KCNK9: variants seen among roughly 807,000 people sequenced by gnomAD.
KCNK9 encodes potassium channel subfamily K member 9.
In KCNK9, 1 loss-of-function variant was observed where a neutral mutation model predicts 10.8. That is an observed-to-expected ratio of 0.09 (90% CI 0.03 to 0.44). The LOEUF (loss-of-function observed/expected upper bound fraction) is 0.44. Ranked by LOEUF, KCNK9 falls within the 20% of genes least tolerant of loss-of-function variation. The pLI is 0.97. For synonymous variants in KCNK9, 231 were observed against 222.7 expected, an observed-to-expected ratio of 1.04 and a Z score of -0.33; for missense variants, 303 against 515.0, an observed-to-expected ratio of 0.59 and a Z score of 3.98.
intron 1 of KCNK9, among the ~76,000 whole-genome samples, chr8:139,650,269 G>C (rs1336565008): frequency 3.3e-5 from 5 of 152,206 alleles, no homozygotes; most frequent in Non-Finnish European, 4.4e-5. Flanking sequence ...TAACCAGGCA[G>C]AGCCTTAGCT....
Position 139,702,900 on chromosome 8 carries a change from C to T in KCNK9, c.93G>A (p.Ser31=). Residue 31 remains serine (S), a synonymous_variant, in exon 1 of 2, where the codon TCG becomes TCA. Transcript: ENST00000520439. The surrounding 1 kb of genome is among the most constrained non-coding windows in gnomAD (Gnocchi z 7.5). ...VGAAVFDALE[S]DHEMREEEKL... ...TCTCCTCCTCGCGCATCTCGTGGTC[C>T]GACTCGAGGGCGTCGAACACGGCGG... The T allele has an allele frequency of 1.2e-6, 2 of 1,613,812 alleles. No homozygotes were observed. The highest frequency in any genetic ancestry group is 1.7e-6 in the Non-Finnish European group (2 of 1,179,942).
intron 1 of KCNK9, among the ~76,000 whole-genome samples, chr8:139,684,285 C>T (rs1302684332): frequency 6.6e-6 from 1 of 152,206 alleles, no homozygotes. Flanking sequence ...CAATTTAGCA[C>T]CATACATTTC....
At chr8:139,648,404 A>G (rs1484750414) in intron 1 of KCNK9, among the ~76,000 whole-genome samples, 1 of 152,244 alleles carries the variant, frequency 6.6e-6, no homozygotes, top group Admixed American at 6.5e-5. Context: ...ACTTTAAAAT[A>G]GTTAATTTTG....
exon 3 of KCNK9, chr8:139,601,465 C>T (rs1432606979): frequency 2.0e-5 from 3 of 152,178 alleles, no homozygotes; most frequent in Non-Finnish European, 4.4e-5. Flanking sequence ...GGATTTTTAT[C>T]CGAAGCTGGT....
chr8:139,653,806 C>T (rs969703012), intron 1 of KCNK9, among the ~76,000 whole-genome samples: 6 of 152,226 alleles, frequency 3.9e-5, no homozygotes, highest in African/African-American at 1.4e-4. Flanking sequence ...CAGAGGCCCA[C>T]GCGGAGCTCA....
exon 3 of KCNK9, chr8:139,601,274 C>G (rs1201010084): frequency 6.6e-6 from 1 of 152,206 alleles, no homozygotes; most frequent in Non-Finnish European, 1.5e-5. Flanking sequence ...TGTGGCCCGG[C>G]CTTTAAGAGG....
downstream of KCNK9, among the ~76,000 whole-genome samples, chr8:139,610,391 C>T (rs1165549776): frequency 6.6e-6 from 1 of 152,232 alleles, no homozygotes; most frequent in African/African-American, 2.4e-5. Flanking sequence ...AATCAGGAAA[C>T]AAGTTCCTCA....
intron 1 of KCNK9, among the ~76,000 whole-genome samples, chr8:139,680,274 G>A (rs62520201): frequency 0.42 from 63,486 of 152,064 alleles, 14,866 homozygotes; most frequent in Non-Finnish European, 0.53. Flanking sequence ...GGGGGCAGGC[G>A]GGGCCCAGCT....
intron 1 of KCNK9, among the ~76,000 whole-genome samples, chr8:139,626,037 T>C (rs1169979853): frequency 1.3e-5 from 2 of 152,168 alleles, no homozygotes; most frequent in Non-Finnish European, 2.9e-5. Context: ...ACACGTAGGT[T>C]AGACCATAAG....
At chr8:139,657,501 AGCT>A (rs1251541980) in intron 1 of KCNK9, among the ~76,000 whole-genome samples, 1 of 151,976 alleles carries the variant, frequency 6.6e-6, no homozygotes, top group Non-Finnish European at 1.5e-5. Context: ...CTGCCTGTGG[AGCT>A]TCTCATCATC....
chr8:139,626,799 A>G (rs1731912282), intron 1 of KCNK9, among the ~76,000 whole-genome samples: 1 of 152,252 alleles, frequency 6.6e-6, no homozygotes, highest in Non-Finnish European at 1.5e-5. Flanking sequence ...TGTGCCGGTA[A>G]GAATTAAAAC....
intron 1 of KCNK9, among the ~76,000 whole-genome samples, chr8:139,691,218 C>A (rs915800207): frequency 6.6e-6 from 1 of 152,166 alleles, no homozygotes; most frequent in African/African-American, 2.4e-5. Flanking sequence ...CTCCTCATTT[C>A]ATGCGTCCAC....
rs777705607 is a variant in KCNK9, at chr8:139,702,680, C to G, written c.283+30G>C. The G allele has an allele frequency of 6.3e-7, 1 of 1,586,748 alleles. No individual in the cohort carries two copies. Among genetic ancestry groups the G allele is most frequent in the South Asian group, 1.1e-5 (1 of 88,832 alleles). ...GCCTCCCCGGACTCCTCCCGGGGCGCGGGAGCCCAGCGGCGCGCCCAGCCC... is the reference window on the plus strand; with the variant it reads ...GCCTCCCCGGACTCCTCCCGGGGCGGGGGAGCCCAGCGGCGCGCCCAGCCC... On this transcript the variant is annotated intron_variant, in intron 1 of 1. Coordinates refer to ENST00000520439, the MANE Select transcript of KCNK9 (RefSeq NM_001282534.2). The surrounding 1 kb of genome is among the most constrained non-coding windows in gnomAD (Gnocchi z 7.5).
chr8:139,639,807 C>T lies in KCNK9; in HGVS notation c.284-20708G>A, dbSNP rs550568709. Among the ~76,000 whole-genome samples the T allele has an allele frequency of 3.3e-5, 5 of 152,346 alleles. No homozygotes were observed. In the South Asian group the frequency reaches 1.0e-3, roughly 32 times the overall value. On this transcript the variant is annotated intron_variant, in intron 1 of 1. Coordinates refer to ENST00000520439, the MANE Select transcript of KCNK9 (RefSeq NM_001282534.2). ...ACAACCTCCCCAGCCTGCCCACGTGCTAACTGCAGGGGCATGCGCCAGCCC... is the reference window on the plus strand; with the variant it reads ...ACAACCTCCCCAGCCTGCCCACGTGTTAACTGCAGGGGCATGCGCCAGCCC...
At chr8:139,675,073 A>G (rs1227602216) in intron 1 of KCNK9, among the ~76,000 whole-genome samples, 1 of 152,248 alleles carries the variant, frequency 6.6e-6, no homozygotes, top group Non-Finnish European at 1.5e-5. Flanking sequence ...TGAGTGAGCT[A>G]CAGGAAAATT....
rs1011213262 is a variant in KCNK9, at chr8:139,702,636, C to T, written c.283+74G>A. 1 of 1,479,980 alleles carries T rather than the reference C, an allele frequency of 6.8e-7. No homozygotes were observed. The highest frequency in any genetic ancestry group is 1.2e-5 in the South Asian group (1 of 80,236). The allele number at this position is 1,479,980 out of a possible 1,614,324, so 91.7% of individuals were successfully genotyped here. ...AACCCTCGACGCCCTGCACCCAGCC[C>T]GGCGCGGCGCGCTCAGCCGCCTCCC... On this transcript the variant is annotated intron_variant, in intron 1 of 1. Transcript: ENST00000520439. This position sits in a 1 kb window ranked among gnomAD's most constrained non-coding sequence, Gnocchi z 7.5.
intron 1 of KCNK9, among the ~76,000 whole-genome samples, chr8:139,632,050 C>A (rs1408842176): frequency 1.3e-5 from 2 of 152,166 alleles, no homozygotes; most frequent in Non-Finnish European, 2.9e-5. Context: ...CCCGATGCCT[C>A]TTGGGAGGTT....
chr8:139,650,588 C>A (rs1277077603), intron 1 of KCNK9, among the ~76,000 whole-genome samples: 3 of 152,148 alleles, frequency 2.0e-5, no homozygotes, highest in Non-Finnish European at 4.4e-5. Flanking sequence ...AAGGAAGGTG[C>A]ACACAGGGAC....
In KCNK9 at chr8:139,689,957, A is replaced by C. The variant is rs142821634; in HGVS notation, c.283+12753T>G. Among the ~76,000 whole-genome samples, 957 of 152,274 alleles carry C rather than the reference A, an allele frequency of 6.3e-3. 11 individuals carry two copies. The highest frequency in any genetic ancestry group is 0.021 in the African/African-American group (863 of 41,562). On this transcript the variant is annotated intron_variant, in intron 1 of 1. Coordinates refer to ENST00000520439, the MANE Select transcript of KCNK9 (RefSeq NM_001282534.2). ...CGCCCGGCCACCTTTGCCATCATTG[A>C]GCGAAAAACATGCAATGACTTGAAG...
Sources: allele counts gnomAD v4.1 joint callset (sites outside exome capture counted in the v4.1 genomes callset), GRCh38; gene constraint gnomAD v4.1.1; non-coding constraint Gnocchi (gnomAD v3.1); transcripts MANE v1.5; gene names NCBI Gene and HGNC (gene_info 2026-07-23, HGNC 2026-07-21).